LRRN1: variants seen among roughly 807,000 people sequenced by gnomAD.
LRRN1 encodes leucine rich repeat neuronal 1, also known as leucine-rich repeat neuronal protein 1.
LRRN1 carries 14 observed loss-of-function variants against 45.8 expected under a neutral mutation model. That is an observed-to-expected ratio of 0.31 (90% CI 0.20 to 0.48). The LOEUF (loss-of-function observed/expected upper bound fraction) is 0.48. LRRN1 is among the 20% of genes least tolerant of loss of function. LRRN1 has a pLI of 0.99. For synonymous variants in LRRN1, 359 were observed against 330.1 expected (o/e 1.09, Z -0.95); for missense variants, 789 against 874.2 (o/e 0.90, Z 1.23).
intron 1 of LRRN1, among the ~76,000 whole-genome samples, chr3:3,806,964 C>G (rs1692774696): frequency 6.6e-6 from 1 of 152,162 alleles, no homozygotes; most frequent in Admixed American, 6.5e-5. Context: ...CCTGAGACTC[C>G]TGTCTCTCTC....
chr3:3,833,475 T>G (rs932082898), intron 1 of LRRN1, among the ~76,000 whole-genome samples: 4 of 152,228 alleles, frequency 2.6e-5, no homozygotes, highest in Non-Finnish European at 5.9e-5. Flanking sequence ...TCCCATACCC[T>G]TAATATCCAT....
In LRRN1 at chr3:3,847,953, A is replaced by C. The variant is rs1369094502; in HGVS notation, c.*1161A>C. Among the ~76,000 whole-genome samples the C allele has an allele frequency of 6.6e-6, 1 of 152,136 alleles. No homozygotes were observed. Among genetic ancestry groups the C allele is most frequent in the Admixed American group, 6.5e-5 (1 of 15,268 alleles). On this transcript the variant is annotated 3_prime_UTR_variant, in exon 2 of 2. Coordinates refer to ENST00000319331, the MANE Select transcript of LRRN1 (RefSeq NM_020873.7). The stretch of plus-strand genomic sequence containing the variant: ...CACCAATATATTCATATATACTCAC[A>C]CACATCCCAACCTGTCACACACAAT...
chr3:3,831,949 G>GGCC (rs1259810296), intron 1 of LRRN1, among the ~76,000 whole-genome samples: 1 of 152,224 alleles, frequency 6.6e-6, no homozygotes, highest in African/African-American at 2.4e-5. Context: ...GCTTCTGATG[G>GGCC]GCCTTATGGA....
At chr3:3,840,220 CAATT>C (rs1387886716) in intron 1 of LRRN1, among the ~76,000 whole-genome samples, 1 of 152,120 alleles carries the variant, frequency 6.6e-6, no homozygotes, top group Non-Finnish European at 1.5e-5. Context: ...TTTTGTGCAT[CAATT>C]GAGATGATCA....
At chr3:3,815,154 A>C (rs949198838) in intron 1 of LRRN1, among the ~76,000 whole-genome samples, 10 of 152,108 alleles carry the variant, frequency 6.6e-5, no homozygotes, top group Non-Finnish European at 1.0e-4. Context: ...TTCAAAATGA[A>C]AGCATTCCTA....
intron 1 of LRRN1, among the ~76,000 whole-genome samples, chr3:3,821,203 A>G (rs1437071400): frequency 6.6e-6 from 1 of 152,192 alleles, no homozygotes. Context: ...TGTGGTGGCC[A>G]CTGGTTACAT....
chr3:3,830,008 G>A (rs1405234404), intron 1 of LRRN1, among the ~76,000 whole-genome samples: 1 of 152,196 alleles, frequency 6.6e-6, no homozygotes, highest in South Asian at 2.1e-4. Context: ...TCTGGAGCCA[G>A]GTCAGCCTTG....
In LRRN1 at chr3:3,846,738, T is replaced by A; in HGVS notation, c.2097T>A (p.Ser699=). ...EGDSEKDKDG[S]ADTKPTQVDT... is the part of the protein sequence containing the mutation. ...ACAGCGAGAAAGACAAAGATGGTTC[T>A]GCAGACACCAAGCCAACCCAGGTCG... The change falls in exon 2 of 2, where the codon TCT becomes TCA. Residue 699 remains serine (S), a synonymous_variant. Transcript: ENST00000319331. This position sits in a 1 kb window ranked among gnomAD's most constrained non-coding sequence, Gnocchi z 5.7. 1 of 1,613,886 alleles carries A rather than the reference T, an allele frequency of 6.2e-7. No individual in the cohort carries two copies. Among genetic ancestry groups the A allele is most frequent in the Non-Finnish European group, 8.5e-7 (1 of 1,179,960 alleles).
At chr3:3,835,496 A>G (rs988795565) in intron 1 of LRRN1, among the ~76,000 whole-genome samples, 1 of 152,112 alleles carries the variant, frequency 6.6e-6, no homozygotes, top group African/African-American at 2.4e-5. Context: ...ACAAAGTGAC[A>G]CATCTAGTAA....
At chr3:3,826,495 C>T (rs756913575) in intron 1 of LRRN1, among the ~76,000 whole-genome samples, 11 of 152,080 alleles carry the variant, frequency 7.2e-5, no homozygotes, top group East Asian at 3.9e-4. Context: ...GATGTGTGGC[C>T]GCCCTGCTTG....
chr3:3,842,474 C>T (rs556318438), intron 1 of LRRN1, among the ~76,000 whole-genome samples: 5 of 151,974 alleles, frequency 3.3e-5, no homozygotes, highest in African/African-American at 1.2e-4. Context: ...TAGGACTTTT[C>T]CTTCTTACTG....
Position 3,845,456 on chromosome 3 carries a change from A to G in LRRN1, c.815A>G (p.Lys272Arg), listed in dbSNP as rs757978273. ...AATTTGAAATTCTTAGACCTCAACA[A>G]AAACCCCATTCACAAAATCCAAGAA... ...VPNLKFLDLNKNPIHKIQEGD... is the reference protein window; with the variant it reads ...VPNLKFLDLNRNPIHKIQEGD... Residue 272 changes from lysine (K) to arginine (R), a missense_variant, in exon 2 of 2, where the codon AAA (lysine) becomes AGA (arginine). Coordinates refer to ENST00000319331, the MANE Select transcript of LRRN1 (RefSeq NM_020873.7). This position sits in a 1 kb window ranked among gnomAD's most constrained non-coding sequence, Gnocchi z 6.5. The G allele has an allele frequency of 6.2e-7, 1 of 1,614,124 alleles. No individual in the cohort carries two copies. Among genetic ancestry groups the G allele is most frequent in the East Asian group, 2.2e-5 (1 of 44,880 alleles).
intron 1 of LRRN1, among the ~76,000 whole-genome samples, chr3:3,813,238 G>C (rs978575075): frequency 1.3e-5 from 2 of 152,182 alleles, no homozygotes; most frequent in Non-Finnish European, 2.9e-5. Flanking sequence ...AATTTCGTCG[G>C]TGCTCTAATG....
intron 1 of LRRN1, among the ~76,000 whole-genome samples, chr3:3,832,892 A>G (rs1255723762): frequency 6.6e-6 from 1 of 152,188 alleles, no homozygotes; most frequent in African/African-American, 2.4e-5. Context: ...TAATTAGCCA[A>G]TGGCAGAGCT....
chr3:3,821,425 A>T (rs757919235), intron 1 of LRRN1, among the ~76,000 whole-genome samples: 3 of 152,034 alleles, frequency 2.0e-5, no homozygotes, highest in Non-Finnish European at 4.4e-5. Context: ...AGATCCACCT[A>T]TCTCTTTACT....
At chr3:3,834,987 G>A (rs575425276) in intron 1 of LRRN1, among the ~76,000 whole-genome samples, 2 of 152,118 alleles carry the variant, frequency 1.3e-5, no homozygotes, top group South Asian at 4.2e-4. Context: ...TTGACACTGG[G>A]TATTAACCAT....
At chr3:3,802,578 G>T (rs998726075) in intron 1 of LRRN1, among the ~76,000 whole-genome samples, 4 of 152,176 alleles carry the variant, frequency 2.6e-5, no homozygotes, top group Non-Finnish European at 5.9e-5. Context: ...ATTTTTGCAG[G>T]TTCAGTGCCT....
At chr3:3,813,032 G>T (rs1254923191) in intron 1 of LRRN1, among the ~76,000 whole-genome samples, 3 of 152,148 alleles carry the variant, frequency 2.0e-5, no homozygotes, top group Non-Finnish European at 2.9e-5. Flanking sequence ...CACATCACCT[G>T]TGTTGCTCAC....
chr3:3,834,581 TATC>T (rs953828088), intron 1 of LRRN1, among the ~76,000 whole-genome samples: 4 of 122,862 alleles, frequency 3.3e-5, no homozygotes, highest in Non-Finnish European at 5.2e-5. Context: ...ACATATTATA[TATC>T]ATATTTTATA....
Sources: gnomAD v4.1 joint callset for allele counts (sites outside exome capture counted in the v4.1 genomes callset) on GRCh38, gnomAD v4.1.1 for gene constraint, Gnocchi (gnomAD v3.1) non-coding constraint, MANE v1.5 for transcripts, NCBI Gene and HGNC (gene_info 2026-07-23, HGNC 2026-07-21) for gene names.